The following ULK1 variants were observed in gnomAD, a reference collection of about 807,000 sequenced individuals.
ULK1 encodes serine/threonine-protein kinase ULK1.
A neutral mutation model predicts 117.5 loss-of-function variants in ULK1; 48 were observed. The observed-to-expected ratio is 0.41, with a 90% confidence interval of 0.32 to 0.52. The LOEUF (loss-of-function observed/expected upper bound fraction) is 0.52, where lower values mean the gene tolerates loss of function less well. Ranked by LOEUF, ULK1 falls within the 20% of genes least tolerant of loss-of-function variation. ULK1 has a pLI of 0.29. For missense variants in ULK1, 1,387 were observed against 1,473.4 expected, an observed-to-expected ratio of 0.94 and a Z score of 0.96; for synonymous variants, 790 against 637.8, an observed-to-expected ratio of 1.24 and a Z score of -3.60.
At chr12:131,898,991 G>C (rs1401923008) in intron 3 of ULK1, among the ~76,000 whole-genome samples, 1 of 150,364 alleles carries the variant, frequency 6.7e-6, no homozygotes, top group Admixed American at 6.6e-5. Context: ...CGATTCTCCT[G>C]CCTCAGCCTC....
At position 131,917,492 on chromosome 12, in the gene ULK1, C is replaced by G; in HGVS notation, c.2264C>G (p.Thr755Ser). Reference sequence around the variant, plus strand: ...AGCAGCCCTTCCCCGGTGGTCTTCACCGTGGGCTCTCCCCCGAGCGGGAGC... The same window carrying G: ...AGCAGCCCTTCCCCGGTGGTCTTCAGCGTGGGCTCTCCCCCGAGCGGGAGC... ...GTSSPSPVVF[T>S]VGSPPSGSTP... The change falls in exon 22 of 28, where the codon ACC becomes AGC. Residue 755 changes from threonine (T) to serine (S), a missense_variant. Thr to Ser is a moderately conservative substitution (Grantham distance 58). Transcript: ENST00000321867. The G allele has an allele frequency of 6.7e-7, 1 of 1,498,704 alleles. No individual in the cohort carries two copies. The highest frequency in any genetic ancestry group is 8.9e-7 in the Non-Finnish European group (1 of 1,122,362). 92.8% of individuals were successfully genotyped at this position (1,498,704 alleles called of 1,614,324 possible). A position where few individuals can be genotyped will look rare whatever the true frequency, so the allele number is the denominator to read the frequency against.
At chr12:131,896,176 T>A (rs1299584743) in intron 3 of ULK1, among the ~76,000 whole-genome samples, 1 of 151,724 alleles carries the variant, frequency 6.6e-6, no homozygotes, top group African/African-American at 2.4e-5. Context: ...GTCTAGGCCG[T>A]GTGTTTGTTG....
chr12:131,904,451 C>T (rs968052918), intron 3 of ULK1, among the ~76,000 whole-genome samples: 1 of 152,172 alleles, frequency 6.6e-6, no homozygotes, highest in Non-Finnish European at 1.5e-5. Flanking sequence ...CCCGGCCAGG[C>T]CTTTGCCTTT....
chr12:131,906,712 C>T, intron 3 of ULK1, 180 bp from the exon 4 acceptor site: 1 of 719,122 alleles, frequency 1.4e-6, no homozygotes. Context: ...GGCCACAAAA[C>T]AGAACACACC....
In ULK1 at chr12:131,921,376, C is replaced by T. The variant is rs1208477856; in HGVS notation, c.*15C>T. 4 of 1,601,724 alleles carry T rather than the reference C, an allele frequency of 2.5e-6. No homozygotes were observed. In the Admixed American group the frequency reaches 5.0e-5, roughly 20 times the overall value. On this transcript the variant is annotated 3_prime_UTR_variant, in exon 28 of 28. Transcript: ENST00000321867. ...TCTGTGCCTGACCTTTCTGGCCTGG[C>T]TGGGCCCCCCGTCCTGCCGAGCCCT...
chr12:131,918,501 C>A lies in ULK1; in HGVS notation c.2331C>A (p.Gly777=). The A allele has an allele frequency of 6.2e-7, 1 of 1,609,156 alleles. No individual in the cohort carries two copies. Among genetic ancestry groups the A allele is most frequent in the Admixed American group, 1.7e-5 (1 of 59,764 alleles). The change falls in exon 23 of 28, where the codon GGC becomes GGA. Residue 777 remains glycine, a synonymous_variant. Coordinates refer to ENST00000321867, the MANE Select transcript of ULK1 (RefSeq NM_003565.4). ...CTCATCGCCCTCTCCCTGCAGCGGG[C>A]CCCACTGGCTCTGCCAGCTCTTCTG... ...QGPRTRMFSA[G]PTGSASSSAR...
chr12:131,914,550 T>C (rs972924829), intron 16 of ULK1, 73 bp downstream of exon 16: 68 of 1,543,474 alleles, frequency 4.4e-5, no homozygotes, highest in Middle Eastern at 1.9e-4. Context: ...ACGGCTCCCA[T>C]AGAGGGACAG....
chr12:131,908,191 C>T (rs574965940), intron 5 of ULK1, among the ~76,000 whole-genome samples: 1 of 152,124 alleles, frequency 6.6e-6, no homozygotes, highest in African/African-American at 2.4e-5. Context: ...GACCCGCTGG[C>T]CCCCTCGCCT....
rs1889506686 is a variant in ULK1, at chr12:131,910,901, C to T, written c.948+101C>T. ...GGGGACGTGCTGTGACTTCTGTTGTCTGTGTGAGTCACGAAAGACATGGAT... is the reference window on the plus strand; with the variant it reads ...GGGGACGTGCTGTGACTTCTGTTGTTTGTGTGAGTCACGAAAGACATGGAT... On this transcript the variant is annotated intron_variant, in intron 12 of 27. Coordinates refer to ENST00000321867, the MANE Select transcript of ULK1 (RefSeq NM_003565.4). The T allele has an allele frequency of 2.0e-6, 3 of 1,532,228 alleles. No individual in the cohort carries two copies. The South Asian group carries it at 3.6e-5, about 19-fold the overall frequency. 94.9% of individuals were successfully genotyped at this position (1,532,228 alleles called of 1,614,324 possible). A position where few individuals can be genotyped will look rare whatever the true frequency, so the allele number is the denominator to read the frequency against.
At chr12:131,899,656 AGGCACATATTTCT>A (rs781214242) in intron 3 of ULK1, among the ~76,000 whole-genome samples, 8 of 152,282 alleles carry the variant, frequency 5.3e-5, no homozygotes, top group Non-Finnish European at 1.0e-4. Context: ...ATACTTGGTT[AGGCACATATTTCT>A]GGCAAGCTCT....
chr12:131,910,811 G>C lies in ULK1; in HGVS notation c.948+11G>C. 6.2e-7 allele frequency: 1 copy of C among 1,612,002 alleles called. No individual in the cohort carries two copies. ...CTGGCCTCCCCGCCGGTGAGTTGCC[G>C]CCCCAGGGGCTTGGCAGCTTCTCCC... On this transcript the variant is annotated intron_variant, in intron 12 of 27. Coordinates refer to ENST00000321867, the MANE Select transcript of ULK1 (RefSeq NM_003565.4).
chr12:131,912,590 G>T (rs190468007), intron 13 of ULK1, among the ~76,000 whole-genome samples: 1 of 152,306 alleles, frequency 6.6e-6, no homozygotes, highest in East Asian at 1.9e-4. Flanking sequence ...GTCCCTGGCT[G>T]TCCCAAAGCT....
chr12:131,920,000 T>A lies in ULK1; in HGVS notation c.2825T>A (p.Leu942Gln). ...GCAGTGGTGCGCAGGCTGAATGAGC[T>A]GTACAAGGCCAGCGTGGTGTCCTGC... ...VKQVVRRLNELYKASVVSCQG... is the reference protein window; with the variant it reads ...VKQVVRRLNEQYKASVVSCQG... The change falls in exon 26 of 28, where the codon CTG (leucine) becomes CAG (glutamine). Residue 942 changes from leucine to glutamine, a missense_variant. Physicochemically the swap from Leu to Gln is moderately radical, Grantham distance 113 (BLOSUM62 -2). Around this residue, in one of 4 missense-constraint regions of ULK1, gnomAD observed 900 missense variants for 858.9 expected, o/e 1.05. Coordinates refer to ENST00000321867, the MANE Select transcript of ULK1 (RefSeq NM_003565.4). 6.2e-7 allele frequency: 1 copy of A among 1,612,772 alleles called. No homozygotes were observed. Among genetic ancestry groups the A allele is most frequent in the South Asian group, 1.1e-5 (1 of 91,090 alleles).
chr12:131,918,240 G>T, intron 22 of ULK1: 1 of 557,154 alleles, frequency 1.8e-6, no homozygotes, highest in Non-Finnish European at 3.2e-6. Flanking sequence ...GGGATACCCA[G>T]AGGGTCCCTT....
At chr12:131,907,417 G>T in intron 4 of ULK1, 78 bp from the exon 5 acceptor site, 1 of 1,567,742 alleles carries the variant, frequency 6.4e-7, no homozygotes, top group East Asian at 2.3e-5. Flanking sequence ...CCAAGTGTGA[G>T]GGGTGGGGAG....
intron 16 of ULK1, 129 bp downstream of exon 16, chr12:131,914,606 C>T (rs1317686138): frequency 8.1e-7 from 1 of 1,231,006 alleles, no homozygotes; most frequent in Non-Finnish European, 1.1e-6. Context: ...CTGCGTAACT[C>T]AGCACCACCA....
At chr12:131,920,741 A>G (rs1890116373) in intron 26 of ULK1, 1 of 267,918 alleles carries the variant, frequency 3.7e-6, no homozygotes, top group East Asian at 7.3e-5. Flanking sequence ...AGAAAATTTA[A>G]GCATGTAGTA....
Position 131,921,442 on chromosome 12 carries a change from A to G in ULK1, c.*81A>G. 6.3e-7 allele frequency: 1 copy of G among 1,585,958 alleles called. No individual in the cohort carries two copies. The highest frequency in any genetic ancestry group is 2.0e-4 in the Middle Eastern group (1 of 4,940). ...TGTGCTGGCTGGACTCCTCGGGACA[A>G]GCCCATGGCGCTGATCGCTGGTGCT... On this transcript the variant is annotated 3_prime_UTR_variant, in exon 28 of 28. Coordinates refer to ENST00000321867, the MANE Select transcript of ULK1 (RefSeq NM_003565.4).
intron 8 of ULK1, 146 bp downstream of exon 8, chr12:131,909,383 T>C: frequency 2.1e-6 from 2 of 947,436 alleles, no homozygotes; most frequent in Non-Finnish European, 3.0e-6. Context: ...AGGGGTCCAG[T>C]GGGGAAGGGG....
Sources: allele counts gnomAD v4.1 joint callset (sites outside exome capture counted in the v4.1 genomes callset), GRCh38; gene constraint gnomAD v4.1.1; regional missense constraint gnomAD v4.1.1; transcripts MANE v1.5; gene names NCBI Gene and HGNC (gene_info 2026-07-23, HGNC 2026-07-21).